The following CORIN variants were observed in gnomAD, a reference collection of about 807,000 sequenced individuals.
CORIN encodes the protein corin, serine peptidase, also known as atrial natriuretic peptide-converting enzyme.
Under a neutral mutation model 125.3 loss-of-function variants are expected in CORIN, and 117 were observed. That is an observed-to-expected ratio of 0.93 (90% CI 0.80 to 1.09). The LOEUF (loss-of-function observed/expected upper bound fraction) is 1.09. CORIN is among the 50% of genes least tolerant of loss of function. The pLI, the probability that CORIN is intolerant of heterozygous loss-of-function variation, is 0.00. For missense variants in CORIN, 1,253 were observed against 1,306.7 expected, an observed-to-expected ratio of 0.96 and a Z score of 0.63; for synonymous variants, 450 against 466.4, an observed-to-expected ratio of 0.96 and a Z score of 0.45.
chr4:47,756,799 C>T (rs1022442968), intron 4 of CORIN, among the ~76,000 whole-genome samples: 3 of 152,150 alleles, frequency 2.0e-5, no homozygotes, highest in African/African-American at 7.2e-5. Flanking sequence ...CTGCAATGTA[C>T]TGGAACATAT....
chr4:47,810,042 GCA>G (rs1467911791), intron 1 of CORIN, among the ~76,000 whole-genome samples: 1 of 152,170 alleles, frequency 6.6e-6, no homozygotes, highest in African/African-American at 2.4e-5. Flanking sequence ...CTGAGCACAG[GCA>G]CAGCATTCCA....
chr4:47,639,064 G>A (rs1363218301), intron 16 of CORIN, among the ~76,000 whole-genome samples: 2 of 152,108 alleles, frequency 1.3e-5, no homozygotes, highest in Non-Finnish European at 2.9e-5. Flanking sequence ...TGGGAGACCT[G>A]CATTCTTGAT....
intron 5 of CORIN, among the ~76,000 whole-genome samples, chr4:47,735,542 T>A (rs1425295609): frequency 2.6e-5 from 4 of 152,180 alleles, no homozygotes; most frequent in Non-Finnish European, 4.4e-5. Flanking sequence ...AGATCATCAA[T>A]CTCTTCCAAG....
At chr4:47,768,745 C>T (rs756434060) in intron 3 of CORIN, among the ~76,000 whole-genome samples, 3 of 152,078 alleles carry the variant, frequency 2.0e-5, no homozygotes, top group Non-Finnish European at 4.4e-5. Context: ...TCTCAAAAGA[C>T]AGAAAAAACA....
chr4:47,641,125 T>C (rs1458601839), intron 16 of CORIN, among the ~76,000 whole-genome samples: 1 of 152,182 alleles, frequency 6.6e-6, no homozygotes, highest in Non-Finnish European at 1.5e-5. Flanking sequence ...GTGCTGCTAG[T>C]TGCTATCCCA....
chr4:47,708,197 T>C (rs1022769552), intron 5 of CORIN, among the ~76,000 whole-genome samples: 1 of 152,216 alleles, frequency 6.6e-6, no homozygotes, highest in South Asian at 2.1e-4. Context: ...GACAGAAATT[T>C]ATTCTCCCAC....
At chr4:47,705,102 T>C (rs1203258909) in intron 5 of CORIN, among the ~76,000 whole-genome samples, 1 of 152,218 alleles carries the variant, frequency 6.6e-6, no homozygotes, top group Non-Finnish European at 1.5e-5. Flanking sequence ...TTACTTAAGG[T>C]AAGTGAAAGC....
chr4:47,619,205 G>T (rs1722203756), intron 19 of CORIN, among the ~76,000 whole-genome samples: 1 of 152,142 alleles, frequency 6.6e-6, no homozygotes, highest in African/African-American at 2.4e-5. Context: ...GCTTGATCTG[G>T]TCAACCATCT....
At chr4:47,637,307 A>G (rs1723063957) in intron 16 of CORIN, among the ~76,000 whole-genome samples, 1 of 152,224 alleles carries the variant, frequency 6.6e-6, no homozygotes, top group Non-Finnish European at 1.5e-5. Flanking sequence ...TGACAATGCA[A>G]TAGAAAAGAA....
At chr4:47,661,687 G>C (rs1724254260) in intron 12 of CORIN, 24 bp downstream of exon 12, 1 of 1,590,592 alleles carries the variant, frequency 6.3e-7, no homozygotes, top group East Asian at 2.3e-5. Flanking sequence ...TAGATACCCT[G>C]CTGTAATTAA....
intron 19 of CORIN, among the ~76,000 whole-genome samples, chr4:47,606,735 T>C (rs1190569221): frequency 6.6e-6 from 1 of 151,936 alleles, no homozygotes; most frequent in African/African-American, 2.4e-5. Context: ...TTCCTTCTTT[T>C]CCTTATTTCT....
chr4:47,631,254 G>C (rs944840530), intron 16 of CORIN, among the ~76,000 whole-genome samples: 2 of 152,154 alleles, frequency 1.3e-5, no homozygotes, highest in Non-Finnish European at 2.9e-5. Context: ...CCCAGCCCCA[G>C]GGCCCCTGTT....
intron 2 of CORIN, chr4:47,790,247 A>C (rs1055839047): frequency 1.0e-6 from 1 of 980,928 alleles, no homozygotes; most frequent in Non-Finnish European, 1.2e-6. Flanking sequence ...CTGTGGTGAG[A>C]CAGCCAAGTA....
intron 7 of CORIN, 194 bp from the exon 8 acceptor site, chr4:47,680,445 G>A (rs999555627): frequency 4.6e-5 from 24 of 526,568 alleles, no homozygotes; most frequent in Non-Finnish European, 7.5e-5. Context: ...CACCATCACT[G>A]TGGGGTAAGA....
intron 4 of CORIN, among the ~76,000 whole-genome samples, chr4:47,751,964 A>C (rs1728922888): frequency 6.6e-6 from 1 of 150,856 alleles, no homozygotes; most frequent in South Asian, 2.1e-4. Context: ...AGGCCCCCCC[A>C]CCCACACTCC....
At position 47,661,718 on chromosome 4, in the gene CORIN, A is replaced by G. The variant is rs1301076570; in HGVS notation, c.1728T>C (p.Tyr576=). ...ATTAATTTTAAAATTAACCTTCCACATATTCATCAGGCATCAGGCAGGTTT... is the reference window on the plus strand; with the variant it reads ...ATTAATTTTAAAATTAACCTTCCACGTATTCATCAGGCATCAGGCAGGTTT... ...DNQTCLMPDE[Y]VEECSPSHFK... is the part of the protein sequence containing the mutation. Residue 576 remains tyrosine, a synonymous_variant, in exon 12 of 22, where the codon TAT becomes TAC. Transcript: ENST00000273857. 6.2e-7 allele frequency: 1 copy of G among 1,610,160 alleles called. No individual in the cohort carries two copies. The highest frequency in any genetic ancestry group is 1.3e-5 in the African/African-American group (1 of 74,958).
At chr4:47,611,993 T>C (rs938516243) in intron 19 of CORIN, among the ~76,000 whole-genome samples, 5 of 152,244 alleles carry the variant, frequency 3.3e-5, no homozygotes, top group Admixed American at 2.0e-4. Context: ...TCAACATCAA[T>C]GTTTATCAGG....
chr4:47,808,130 T>A (rs1367599831), intron 1 of CORIN, among the ~76,000 whole-genome samples: 1 of 152,194 alleles, frequency 6.6e-6, no homozygotes, highest in Non-Finnish European at 1.5e-5. Flanking sequence ...CTAGTTCTTC[T>A]CCTGACTTTC....
intron 1 of CORIN, among the ~76,000 whole-genome samples, chr4:47,824,666 C>A (rs2109980610): frequency 6.6e-6 from 1 of 152,230 alleles, no homozygotes; most frequent in South Asian, 2.1e-4. Context: ...AAACTCAATT[C>A]TATTGTTATG....
Sources: gnomAD v4.1 joint callset for allele counts (sites outside exome capture counted in the v4.1 genomes callset) on GRCh38, gnomAD v4.1.1 for gene constraint, MANE v1.5 for transcripts, NCBI Gene and HGNC (gene_info 2026-07-23, HGNC 2026-07-21) for gene names.